Variants in BAZ2B observed in about 807,000 individuals in gnomAD.
The protein encoded by BAZ2B is bromodomain adjacent to zinc finger domain 2B.
BAZ2B carries 91 observed loss-of-function variants against 246.0 expected under a neutral mutation model. The ratio of observed to expected loss-of-function variants is 0.37; its 90% CI spans 0.31 to 0.44. BAZ2B has a LOEUF of 0.44. BAZ2B is among the 20% of genes least tolerant of loss of function. BAZ2B has a pLI of 1.00. For missense variants in BAZ2B, 2,332 were observed against 2,533.7 expected, an observed-to-expected ratio of 0.92 and a Z score of 1.71; for synonymous variants, 855 against 860.0, an observed-to-expected ratio of 0.99 and a Z score of 0.10.
At chr2:159,554,291 A>G (rs1287413817) in intron 2 of BAZ2B, among the ~76,000 whole-genome samples, 1 of 152,216 alleles carries the variant, frequency 6.6e-6, no homozygotes, top group Admixed American at 6.5e-5. Context: ...AAATTTTAAA[A>G]AAGGTTTCAT....
chr2:159,439,264 GT>G, intron 6 of BAZ2B, 52 bp from the exon 7 acceptor site: 2 of 1,471,196 alleles, frequency 1.4e-6, no homozygotes, highest in Non-Finnish European at 1.9e-6. Flanking sequence ...AAACATTCAA[GT>G]TTCAATAAAA....
At chr2:159,461,836 C>A (rs1429032788) in intron 3 of BAZ2B, 1 of 152,686 alleles carries the variant, frequency 6.5e-6, no homozygotes, top group South Asian at 2.1e-4. Context: ...ACTTCCTTTG[C>A]CCTCCAAAAA....
chr2:159,645,634 T>G, the BAZ2B span, among the ~76,000 whole-genome samples: 3 of 152,096 alleles, frequency 2.0e-5, no homozygotes, highest in African/African-American at 7.2e-5. Flanking sequence ...CAGTTCCTAA[T>G]TATCGGGAAA....
At chr2:159,496,697 C>T (rs753474914) in intron 2 of BAZ2B, among the ~76,000 whole-genome samples, 4 of 142,660 alleles carry the variant, frequency 2.8e-5, no homozygotes, top group Non-Finnish European at 6.0e-5. Context: ...GCAGGAGAAT[C>T]GCTTGAACCT....
At chr2:159,376,429 A>C (rs2061421736) in intron 25 of BAZ2B, among the ~76,000 whole-genome samples, 1 of 152,192 alleles carries the variant, frequency 6.6e-6, no homozygotes, top group Admixed American at 6.5e-5. Context: ...AGACTCCCAT[A>C]GTTGTACCAT....
At chr2:159,455,695 T>C (rs1402408933) in intron 3 of BAZ2B, among the ~76,000 whole-genome samples, 1 of 150,536 alleles carries the variant, frequency 6.6e-6, no homozygotes, top group Non-Finnish European at 1.5e-5. Context: ...CAGAGTATGC[T>C]ACTGCCAAAA....
chr2:159,547,121 TGAG>T (rs2087467918), intron 2 of BAZ2B, among the ~76,000 whole-genome samples: 1 of 152,064 alleles, frequency 6.6e-6, no homozygotes, highest in African/African-American at 2.4e-5. Context: ...GGGTTTCTCT[TGAG>T]GAGAAAGAAA....
intron 31 of BAZ2B, among the ~76,000 whole-genome samples, chr2:159,339,015 G>T (rs2066151528): frequency 6.6e-6 from 1 of 151,966 alleles, no homozygotes; most frequent in African/African-American, 2.4e-5. Context: ...GATGCAATAG[G>T]TATTTAATAA....
chr2:159,469,325 T>C (rs1577412322), intron 3 of BAZ2B, among the ~76,000 whole-genome samples: 2 of 152,264 alleles, frequency 1.3e-5, no homozygotes, highest in Middle Eastern at 3.4e-3. Flanking sequence ...GGCCCATACA[T>C]TTAATGATGT....
At position 159,571,806 on chromosome 2, in the gene BAZ2B, G is replaced by A. The variant is rs888180610; in HGVS notation, c.-45-15941C>T. Among the ~76,000 whole-genome samples, 17 of 152,158 alleles carry A rather than the reference G, an allele frequency of 1.1e-4. 1 individual carries two copies. The South Asian group carries it at 1.4e-3, about 13-fold the overall frequency. ...AGGATGGAAGGGCAAGGGAGTGCCCGAGATAAAGAGAGGATATCTGTCAAA... is the reference window on the plus strand; with the variant it reads ...AGGATGGAAGGGCAAGGGAGTGCCCAAGATAAAGAGAGGATATCTGTCAAA... On this transcript the variant is annotated intron_variant, in intron 1 of 36. Coordinates refer to ENST00000392783, the MANE Select transcript of BAZ2B (RefSeq NM_013450.4).
Position 159,320,002 on chromosome 2 carries a change from T to C in BAZ2B, c.*263A>G. On this transcript the variant is annotated 3_prime_UTR_variant, in exon 37 of 37. Transcript: ENST00000392783. ...TAATTGCTATTGCACTATAACACCC[T>C]TTCCTTTGAAAATTCTTTGGGTGTG... is the stretch of plus-strand genomic sequence containing the variant. 1 of 281,338 alleles carries C rather than the reference T, an allele frequency of 3.6e-6. No individual in the cohort carries two copies. The highest frequency in any genetic ancestry group is 6.5e-6 in the Non-Finnish European group (1 of 153,768). 17.4% of individuals were successfully genotyped at this position (281,338 alleles called of 1,614,324 possible).
the BAZ2B span, among the ~76,000 whole-genome samples, chr2:159,687,818 T>C: frequency 3.9e-5 from 6 of 152,164 alleles, no homozygotes; most frequent in Admixed American, 3.3e-4. Context: ...TGAGGCAGTC[T>C]TGTGGGACTA....
the BAZ2B span, among the ~76,000 whole-genome samples, chr2:159,631,706 C>A: frequency 6.6e-6 from 1 of 152,082 alleles, no homozygotes; most frequent in Non-Finnish European, 1.5e-5. Flanking sequence ...TAAATGAGTT[C>A]ATAATTATAC....
chr2:159,618,301 A>C (rs1172603929), upstream of BAZ2B, among the ~76,000 whole-genome samples: 1 of 152,200 alleles, frequency 6.6e-6, no homozygotes, highest in Non-Finnish European at 1.5e-5. Context: ...GCATAATTTA[A>C]TCCTGAGTTT....
intron 1 of BAZ2B, among the ~76,000 whole-genome samples, chr2:159,571,573 T>C (rs548188385): frequency 6.6e-6 from 1 of 152,318 alleles, no homozygotes; most frequent in African/African-American, 2.4e-5. Flanking sequence ...GCCTACTCCC[T>C]GACATCCAGA....
At chr2:159,441,619 A>C (rs2073405636) in intron 6 of BAZ2B, among the ~76,000 whole-genome samples, 1 of 151,830 alleles carries the variant, frequency 6.6e-6, no homozygotes, top group South Asian at 2.1e-4. Context: ...TCTTATTTAA[A>C]ATGTTTTATT....
chr2:159,371,853 A>C (rs772610772), intron 27 of BAZ2B, among the ~76,000 whole-genome samples: 15 of 152,146 alleles, frequency 9.9e-5, no homozygotes, highest in Non-Finnish European at 1.6e-4. Context: ...ATAGGTTCTG[A>C]GCTTACTCTT....
chr2:159,367,298 G>A (rs1321552649), intron 27 of BAZ2B, among the ~76,000 whole-genome samples: 1 of 152,172 alleles, frequency 6.6e-6, no homozygotes, highest in Non-Finnish European at 1.5e-5. Context: ...TAGGGGCTCA[G>A]AGATCCCCTG....
the BAZ2B span, among the ~76,000 whole-genome samples, chr2:159,651,440 A>G: frequency 6.6e-6 from 1 of 152,308 alleles, no homozygotes; most frequent in East Asian, 1.9e-4. Context: ...GTATATTCTC[A>G]TAATCACTTT....
Sources: allele counts gnomAD v4.1 joint callset (sites outside exome capture counted in the v4.1 genomes callset), GRCh38; gene constraint gnomAD v4.1.1; transcripts MANE v1.5; gene names NCBI Gene and HGNC (gene_info 2026-07-23, HGNC 2026-07-21).